The following ME2 variants were observed in gnomAD, a reference collection of about 807,000 sequenced individuals.
The protein encoded by ME2 is NAD-dependent malic enzyme, mitochondrial.
Under a neutral mutation model 73.7 loss-of-function variants are expected in ME2, and 60 were observed. That is an observed-to-expected ratio of 0.81 (90% CI 0.66 to 1.01). ME2 has a LOEUF of 1.01. ME2 is among the 50% of genes least tolerant of loss of function. The probability of loss-of-function intolerance (pLI) is 0.00; values close to 1 mark genes in which losing one functional copy is unlikely to be tolerated. For synonymous variants in ME2, 199 were observed against 236.9 expected, an observed-to-expected ratio of 0.84 and a Z score of 1.47; for missense variants, 594 against 705.5, an observed-to-expected ratio of 0.84 and a Z score of 1.79.
In ME2 at chr18:50,894,598, C is replaced by T. The variant is rs564853220; in HGVS notation, c.-12-1211C>T. Among the ~76,000 whole-genome samples the T allele has an allele frequency of 8.8e-5, 13 of 148,502 alleles. No individual in the cohort carries two copies. The South Asian group carries it at 2.1e-3, about 25-fold the overall frequency. ...AAAAAATCCCTATTTTGGCCGGGAA[C>T]GGTGGCTCACGCCTGTAATCCCAGC... On this transcript the variant is annotated intron_variant, in intron 1 of 15. Transcript: ENST00000321341.
At chr18:50,945,725 A>G (rs932419195) in intron 15 of ME2, among the ~76,000 whole-genome samples, 39 of 152,266 alleles carry the variant, frequency 2.6e-4, no homozygotes, top group African/African-American at 9.4e-4. Context: ...GCGACATCTT[A>G]TAATTGTTTG....
At chr18:50,891,055 C>T (rs1035847448) in intron 1 of ME2, among the ~76,000 whole-genome samples, 6 of 152,174 alleles carry the variant, frequency 3.9e-5, no homozygotes, top group African/African-American at 1.4e-4. Context: ...AACATAAGCT[C>T]AGACAAATCA....
At chr18:50,925,377 G>T (rs1256791201) in intron 11 of ME2, among the ~76,000 whole-genome samples, 1 of 152,200 alleles carries the variant, frequency 6.6e-6, no homozygotes, top group African/African-American at 2.4e-5. Flanking sequence ...TACCTGGGAA[G>T]GTGAGGCACG....
In ME2 at chr18:50,920,471, A is replaced by G; in HGVS notation, c.750A>G (p.Thr250=). The change falls in exon 8 of 16, where the codon ACA becomes ACG. Residue 250 remains threonine (T), a synonymous_variant. Coordinates refer to ENST00000321341, the MANE Select transcript of ME2 (RefSeq NM_002396.5). ...CTGTTTTTAGATATGGCCGGAACAC[A>G]CTCATTCAGTTCGAAGACTTTGGAA... is the stretch of plus-strand genomic sequence containing the variant. ...KAITDRYGRN[T]LIQFEDFGNH... is the part of the protein sequence containing the mutation. 2.5e-6 allele frequency: 4 copies of G among 1,598,322 alleles called. No individual in the cohort carries two copies. Among genetic ancestry groups the G allele is most frequent in the Non-Finnish European group, 3.4e-6 (4 of 1,176,182 alleles).
rs1918241110 is a variant in ME2 at position 50,952,173 on chromosome 18, G to A, written c.*4989G>A. On this transcript the variant is annotated 3_prime_UTR_variant, in exon 16 of 16. Transcript: ENST00000321341. ...TGAAACTCTCTACAGGTGAGCTGAA[G>A]TAACATACTTCATATTTAAAAAGTT... 1 of 152,102 alleles carries A rather than the reference G, an allele frequency of 6.6e-6. No individual in the cohort carries two copies. Among genetic ancestry groups the A allele is most frequent in the African/African-American group, 2.4e-5 (1 of 41,424 alleles). The allele number at this position is 152,102 out of a possible 1,614,324, so 9.4% of individuals were successfully genotyped here. A position where few individuals can be genotyped will look rare whatever the true frequency, so the allele number is the denominator to read the frequency against.
intron 1 of ME2, among the ~76,000 whole-genome samples, chr18:50,891,994 T>G (rs904713749): frequency 3.3e-5 from 5 of 151,450 alleles, no homozygotes; most frequent in Non-Finnish European, 5.9e-5. Context: ...GTGGGTTTTT[T>G]TTTTTTGGTA....
chr18:50,925,457 C>A, intron 11 of ME2, among the ~76,000 whole-genome samples: 1 of 152,072 alleles, frequency 6.6e-6, no homozygotes, highest in South Asian at 2.1e-4. Flanking sequence ...CCAGTCTGGG[C>A]GACAGAGCGA....
intron 13 of ME2, among the ~76,000 whole-genome samples, chr18:50,937,129 A>G (rs991149792): frequency 6.6e-6 from 1 of 152,146 alleles, no homozygotes; most frequent in Non-Finnish European, 1.5e-5. Context: ...TGATGAGACT[A>G]AATGTTTGGG....
intron 15 of ME2, among the ~76,000 whole-genome samples, chr18:50,942,201 C>T (rs900928924): frequency 1.3e-5 from 2 of 152,090 alleles, no homozygotes; most frequent in African/African-American, 4.8e-5. Context: ...GAAAGGGAAA[C>T]ATTTTTTCCT....
Position 50,918,218 on chromosome 18 carries a change from T to G in ME2, c.734+5T>G. 6.3e-7 allele frequency: 1 copy of G among 1,586,120 alleles called. No homozygotes were observed. The highest frequency in any genetic ancestry group is 2.2e-5 in the East Asian group (1 of 44,524). ...TATGAAAGCTATTACTGACAGGTAT[T>G]TTTTAAAAGTTTGAGTATATGAAAG... is the stretch of plus-strand genomic sequence containing the variant. On this transcript the variant is annotated splice_donor_5th_base_variant and intron_variant, in intron 7 of 15. Coordinates refer to ENST00000321341, the MANE Select transcript of ME2 (RefSeq NM_002396.5).
intron 15 of ME2, chr18:50,945,074 T>G (rs866536890): frequency 2.0e-5 from 3 of 152,170 alleles, no homozygotes; most frequent in African/African-American, 7.2e-5. Flanking sequence ...GTCAACAAAC[T>G]GTACTAATGA....
intron 7 of ME2, 21 bp from the exon 8 acceptor site, chr18:50,920,435 T>C (rs1917395967): frequency 1.1e-5 from 16 of 1,479,568 alleles, no homozygotes; most frequent in African/African-American, 2.8e-5. Flanking sequence ...ACACAACTAT[T>C]GTGGGTTTTG....
At chr18:50,942,477 ACT>A (rs940830167) in intron 15 of ME2, among the ~76,000 whole-genome samples, 2 of 151,998 alleles carry the variant, frequency 1.3e-5, no homozygotes, top group Admixed American at 6.5e-5. Flanking sequence ...ATTTTAAAAA[ACT>A]CTGCAACTTT....
chr18:50,942,672 C>A, intron 15 of ME2: 1 of 293,390 alleles, frequency 3.4e-6, no homozygotes, highest in South Asian at 1.5e-4. Flanking sequence ...TTCTGTTTTT[C>A]TAACAAAGAC....
chr18:50,899,376 G>A lies in ME2; in HGVS notation c.108+3448G>A, dbSNP rs118023746. ...ACCTGTAGTCCCAGCACTTTGGGAG[G>A]CTGAGGTGGATTGCTTGGGGTCAAG... On this transcript the variant is annotated intron_variant, in intron 2 of 15. Transcript: ENST00000321341. Among the ~76,000 whole-genome samples, 1,072 of 152,300 alleles carry A rather than the reference G, an allele frequency of 7.0e-3. 33 individuals are homozygous for A. The East Asian group carries it at 0.072, about 10-fold the overall frequency.
At chr18:50,917,254 A>T (rs1917307041) in intron 5 of ME2, 93 bp from the exon 6 acceptor site, 1 of 960,484 alleles carries the variant, frequency 1.0e-6, no homozygotes, top group Admixed American at 2.3e-5. Context: ...AGCAAAGAGT[A>T]AATATATATG....
Position 50,925,785 on chromosome 18 carries a change from C to G in ME2, c.1201C>G (p.Pro401Ala), listed in dbSNP as rs570027851. The G allele has an allele frequency of 6.2e-7, 1 of 1,613,886 alleles. No homozygotes were observed. Among genetic ancestry groups the G allele is most frequent in the African/African-American group, 1.3e-5 (1 of 75,032 alleles). Residue 401 changes from proline (P) to alanine (A), a missense_variant, in exon 12 of 16, where the codon CCT (proline) becomes GCT (alanine). Pro to Ala is a conservative substitution (Grantham distance 27). Coordinates refer to ENST00000321341, the MANE Select transcript of ME2 (RefSeq NM_002396.5). ...TGCAGGTGCTGGCCGTCTTTTCACT[C>G]CTGATGTAATCAGAGCCATGGCCTC... ...GVAGAGRLFTPDVIRAMASIN... is the reference protein window; with the variant it reads ...GVAGAGRLFTADVIRAMASIN...
intron 10 of ME2, among the ~76,000 whole-genome samples, chr18:50,922,369 G>T (rs1599111992): frequency 6.6e-6 from 1 of 152,330 alleles, no homozygotes; most frequent in East Asian, 1.9e-4. Context: ...AGTGACGGAG[G>T]TAGGATTCAA....
Position 50,947,236 on chromosome 18 carries a change from G to T in ME2, c.*52G>T. Reference sequence around the variant, plus strand: ...GTGCTCCAGGGAACCCCTTTTTTCAGACAAGAAGAGATAATGTCTTCAGTT... The same window carrying T: ...GTGCTCCAGGGAACCCCTTTTTTCATACAAGAAGAGATAATGTCTTCAGTT... On this transcript the variant is annotated 3_prime_UTR_variant, in exon 16 of 16. Coordinates refer to ENST00000321341, the MANE Select transcript of ME2 (RefSeq NM_002396.5). 6.5e-7 allele frequency: 1 copy of T among 1,535,904 alleles called. No individual in the cohort carries two copies. Among genetic ancestry groups the T allele is most frequent in the Non-Finnish European group, 8.9e-7 (1 of 1,124,614 alleles).
Sources: gnomAD v4.1 joint callset for allele counts (sites outside exome capture counted in the v4.1 genomes callset) on GRCh38, gnomAD v4.1.1 for gene constraint, MANE v1.5 for transcripts, NCBI Gene and HGNC (gene_info 2026-07-23, HGNC 2026-07-21) for gene names.